CLRN2: variants seen among roughly 807,000 people sequenced by gnomAD.
The protein encoded by CLRN2 is clarin-2.
A neutral mutation model predicts 20.1 loss-of-function variants in CLRN2; 17 were observed. That is an observed-to-expected ratio of 0.85 (90% CI 0.58 to 1.27). The LOEUF is 1.27. Among genes scored for constraint, CLRN2 ranks in the 50% most tolerant of loss-of-function variants. CLRN2 has a pLI of 0.00. For missense variants in CLRN2, 288 were observed against 299.5 expected, an observed-to-expected ratio of 0.96 and a Z score of 0.28; for synonymous variants, 140 against 126.9, an observed-to-expected ratio of 1.10 and a Z score of -0.70.
chr4:17,520,779 T>C (rs944930308), intron 1 of CLRN2, among the ~76,000 whole-genome samples: 4 of 152,142 alleles, frequency 2.6e-5, no homozygotes, highest in African/African-American at 9.7e-5. Context: ...ATGCCTGTAA[T>C]CCCAGCACGG....
At chr4:17,520,215 C>T (rs1333959820) in intron 1 of CLRN2, among the ~76,000 whole-genome samples, 5 of 152,264 alleles carry the variant, frequency 3.3e-5, no homozygotes, top group Non-Finnish European at 5.9e-5. Context: ...CATCACTCCA[C>T]ATTCCCCAAA....
intron 1 of CLRN2, among the ~76,000 whole-genome samples, chr4:17,517,828 C>A (rs1711716869): frequency 6.6e-6 from 1 of 152,266 alleles, no homozygotes; most frequent in African/African-American, 2.4e-5. Flanking sequence ...GGATGTGATT[C>A]TCTTTCAAAG....
chr4:17,520,622 T>G (rs1325968937), intron 1 of CLRN2, among the ~76,000 whole-genome samples: 4 of 152,264 alleles, frequency 2.6e-5, no homozygotes, highest in Admixed American at 1.3e-4. Context: ...TTTTGATCTT[T>G]ACCATTCACA....
intron 1 of CLRN2, among the ~76,000 whole-genome samples, chr4:17,516,574 G>A (rs1380717871): frequency 6.6e-6 from 1 of 152,048 alleles, no homozygotes; most frequent in Non-Finnish European, 1.5e-5. Flanking sequence ...AATACAAATT[G>A]TCATCATTTA....
At position 17,527,084 on chromosome 4, in the gene CLRN2, AG is replaced by A; in HGVS notation, c.*3del. ...ACAGCTGAGGATATCTTGTATTAAT[AG>A]CCTTCCCCTGTTCACAACCTGTCCT... On this transcript the variant is annotated 3_prime_UTR_variant, in exon 3 of 3. Transcript: ENST00000511148. 1 of 1,613,458 alleles carries A rather than the reference AG, an allele frequency of 6.2e-7. No homozygotes were observed. Among genetic ancestry groups the A allele is most frequent in the Non-Finnish European group, 8.5e-7 (1 of 1,179,634 alleles).
Position 17,515,182 on chromosome 4 carries a change from G to A in CLRN2, c.-85G>A. 1.3e-6 allele frequency: 2 copies of A among 1,528,590 alleles called. No homozygotes were observed. Among genetic ancestry groups the A allele is most frequent in the Non-Finnish European group, 1.8e-6 (2 of 1,124,494 alleles). The allele number at this position is 1,528,590 out of a possible 1,614,324, so 94.7% of individuals were successfully genotyped here. A position where few individuals can be genotyped will look rare whatever the true frequency, so the allele number is the denominator to read the frequency against. On this transcript the variant is annotated 5_prime_UTR_variant, in exon 1 of 3. Transcript: ENST00000511148. ...AGAGTGTTTGGAAGAGCTGACCTTGGAGCAGAGCATTGCCGAGTATCTGAA... is the reference window on the plus strand; with the variant it reads ...AGAGTGTTTGGAAGAGCTGACCTTGAAGCAGAGCATTGCCGAGTATCTGAA...
chr4:17,526,928 A>T lies in CLRN2; in HGVS notation c.545A>T (p.Glu182Val). The T allele has an allele frequency of 6.2e-7, 1 of 1,614,032 alleles. No homozygotes were observed. Among genetic ancestry groups the T allele is most frequent in the Non-Finnish European group, 8.5e-7 (1 of 1,179,900 alleles). The change falls in exon 3 of 3, where the codon GAA becomes GTA. Residue 182 changes from glutamate to valine, a missense_variant. By Grantham distance (121) the Glu-to-Val change is moderately radical. Coordinates refer to ENST00000511148, the MANE Select transcript of CLRN2 (RefSeq NM_001079827.2). ...QEKLFQFVVVEEQYEESFWIC... is the reference protein window; with the variant it reads ...QEKLFQFVVVVEQYEESFWIC... ...AAGCTCTTCCAGTTTGTGGTGGTGG[A>T]AGAACAGTATGAAGAGTCGTTTTGG... is the stretch of plus-strand genomic sequence containing the variant.
chr4:17,517,495 C>T (rs1458772259), intron 1 of CLRN2, among the ~76,000 whole-genome samples: 1 of 152,186 alleles, frequency 6.6e-6, no homozygotes, highest in Admixed American at 6.5e-5. Flanking sequence ...AATGACCAGA[C>T]CCCTGCCATT....
At chr4:17,523,167 A>G (rs1711875509) in intron 2 of CLRN2, 124 bp downstream of exon 2, 1 of 643,944 alleles carries the variant, frequency 1.6e-6, no homozygotes, top group Non-Finnish European at 2.5e-6. Context: ...TCCTGGGTCT[A>G]AGACCTTCTT....
At chr4:17,521,702 G>A (rs951578934) in intron 1 of CLRN2, among the ~76,000 whole-genome samples, 1 of 152,208 alleles carries the variant, frequency 6.6e-6, no homozygotes, top group Non-Finnish European at 1.5e-5. Context: ...TATAGCAAAA[G>A]TTCCCACCCA....
intron 1 of CLRN2, among the ~76,000 whole-genome samples, chr4:17,517,874 G>A (rs2058310970): frequency 6.6e-6 from 1 of 152,126 alleles, no homozygotes; most frequent in Admixed American, 6.6e-5. Flanking sequence ...TTCCTCCTGT[G>A]CTTGGCTGGC....
At position 17,526,921 on chromosome 4, in the gene CLRN2, G is replaced by A. The variant is rs1187329332; in HGVS notation, c.538G>A (p.Val180Met). Residue 180 changes from valine to methionine, a missense_variant, in exon 3 of 3, where the codon GTG (valine) becomes ATG (methionine). Coordinates refer to ENST00000511148, the MANE Select transcript of CLRN2 (RefSeq NM_001079827.2). ...NFQEKLFQFV[V>M]VEEQYEESFW... ...TCAGGAGAAGCTCTTCCAGTTTGTG[G>A]TGGTGGAAGAACAGTATGAAGAGTC... 1.9e-6 allele frequency: 3 copies of A among 1,613,940 alleles called. No homozygotes were observed. Among genetic ancestry groups the A allele is most frequent in the African/African-American group, 2.7e-5 (2 of 74,936 alleles).
chr4:17,524,076 C>T (rs1489888369), intron 2 of CLRN2, among the ~76,000 whole-genome samples: 1 of 151,960 alleles, frequency 6.6e-6, no homozygotes, highest in Non-Finnish European at 1.5e-5. Flanking sequence ...TAAACAGTCG[C>T]ACCACAATGA....
At position 17,526,846 on chromosome 4, in the gene CLRN2, T is replaced by A. The variant is rs756585048; in HGVS notation, c.463T>A (p.Phe155Ile). ...GGVVALAIAS[F>I]VAAVKFHDLT... ...CGTCGTGGCGTTAGCCATCGCCAGCTTCGTGGCTGCGGTGAAATTTCACGA... is the reference window on the plus strand; with the variant it reads ...CGTCGTGGCGTTAGCCATCGCCAGCATCGTGGCTGCGGTGAAATTTCACGA... The change falls in exon 3 of 3, where the codon TTC (phenylalanine) becomes ATC (isoleucine). Residue 155 changes from phenylalanine (F) to isoleucine (I), a missense_variant. Phe to Ile is a conservative substitution (Grantham distance 21, BLOSUM62 0). Coordinates refer to ENST00000511148, the MANE Select transcript of CLRN2 (RefSeq NM_001079827.2). 3 of 1,613,900 alleles carry A rather than the reference T, an allele frequency of 1.9e-6. No individual in the cohort carries two copies. In the African/African-American group the frequency reaches 4.0e-5, roughly 22 times the overall value.
intron 2 of CLRN2, among the ~76,000 whole-genome samples, 170 bp downstream of exon 2, chr4:17,523,213 C>CTTTTTT (rs113987711): frequency 1.2e-4 from 17 of 141,332 alleles, no homozygotes; most frequent in East Asian, 2.1e-4. Flanking sequence ...TTTTCTTTTT[C>CTTTTTT]TTTTTTTTTT....
At chr4:17,522,634 A>G (rs1711861277) in intron 1 of CLRN2, among the ~76,000 whole-genome samples, 1 of 152,178 alleles carries the variant, frequency 6.6e-6, no homozygotes, top group African/African-American at 2.4e-5. Context: ...GCCAGGGCAT[A>G]TTTTGATTTT....
intron 2 of CLRN2, 45 bp from the exon 3 acceptor site, chr4:17,526,772 T>G: frequency 6.2e-7 from 1 of 1,607,010 alleles, no homozygotes; most frequent in East Asian, 2.2e-5. Flanking sequence ...TCTTACAGAG[T>G]TGCAAAAAGG....
intron 1 of CLRN2, among the ~76,000 whole-genome samples, chr4:17,516,720 AACAC>A (rs777988021): frequency 6.6e-6 from 1 of 152,218 alleles, no homozygotes; most frequent in Non-Finnish European, 1.5e-5. Flanking sequence ...AAAACTTGAA[AACAC>A]ACACACATAA....
intron 2 of CLRN2, among the ~76,000 whole-genome samples, chr4:17,524,784 G>A (rs1480631955): frequency 6.6e-6 from 1 of 151,602 alleles, no homozygotes; most frequent in African/African-American, 2.4e-5. Context: ...AGCTGTCCAT[G>A]GTGTCCGGTG....
Sources: gnomAD v4.1 joint callset for allele counts (sites outside exome capture counted in the v4.1 genomes callset) on GRCh38, gnomAD v4.1.1 for gene constraint, MANE v1.5 for transcripts, NCBI Gene and HGNC (gene_info 2026-07-23, HGNC 2026-07-21) for gene names.